KIFC3: variants seen among roughly 807,000 people sequenced by gnomAD.
KIFC3 encodes the protein kinesin-like protein KIFC3.
A neutral mutation model predicts 101.8 loss-of-function variants in KIFC3; 60 were observed. That is an observed-to-expected ratio of 0.59 (90% CI 0.48 to 0.73). The LOEUF is 0.73. Among genes scored for constraint, KIFC3 ranks in the 30% least tolerant of loss-of-function variants. The pLI, the probability that KIFC3 is intolerant of heterozygous loss-of-function variation, is 0.00. For missense variants in KIFC3, 966 were observed against 1,137.1 expected (o/e 0.85, Z 2.16); for synonymous variants, 476 against 482.7 (o/e 0.99, Z 0.18).
intron 2 of KIFC3, among the ~76,000 whole-genome samples, chr16:57,797,405 G>A (rs1202350123): frequency 2.0e-5 from 3 of 152,302 alleles, no homozygotes; most frequent in South Asian, 2.1e-4. Flanking sequence ...ATCCAGTCCC[G>A]GCCCTGAATC....
At chr16:57,785,730 C>A in intron 3 of KIFC3, 1 of 1,019,098 alleles carries the variant, frequency 9.8e-7, no homozygotes, top group Non-Finnish European at 1.3e-6. Flanking sequence ...AGGAGGGGGT[C>A]CATCACAGCA....
At chr16:57,820,031 C>A (rs369002845) in intron 1 of KIFC3, among the ~76,000 whole-genome samples, 36 of 151,668 alleles carry the variant, frequency 2.4e-4, no homozygotes, top group East Asian at 2.1e-3. Context: ...CCATGCCCGG[C>A]TAATTTTTTG....
chr16:57,773,140 C>G (rs2051504016), intron 3 of KIFC3, among the ~76,000 whole-genome samples: 1 of 152,234 alleles, frequency 6.6e-6, no homozygotes, highest in Non-Finnish European at 1.5e-5. Context: ...CAGCTTCCGT[C>G]AGGGCATGTT....
At chr16:57,814,425 G>C (rs549335959) in intron 1 of KIFC3, among the ~76,000 whole-genome samples, 7 of 152,244 alleles carry the variant, frequency 4.6e-5, no homozygotes, top group African/African-American at 1.7e-4. Flanking sequence ...GTGTGACTTA[G>C]GGTAAGTCTC....
rs200433698 is a variant in KIFC3, at chr16:57,771,713, G to T, written c.382-27C>A. The T allele has an allele frequency of 4.5e-4, 724 of 1,599,148 alleles. 4 individuals are homozygous for T. The African/African-American group carries it at 8.1e-3, about 18-fold the overall frequency. On this transcript the variant is annotated intron_variant, in intron 4 of 19. Coordinates refer to ENST00000445690, the MANE Select transcript of KIFC3 (RefSeq NM_001130100.2). Reference sequence around the variant, plus strand: ...TGCAGAGAGCCAGGGCCGAGGGGGCGCATGTGGCGAGGGCAGATGACGGGG... The same window carrying T: ...TGCAGAGAGCCAGGGCCGAGGGGGCTCATGTGGCGAGGGCAGATGACGGGG...
rs782262046 is a variant in KIFC3, at chr16:57,758,540, C to A, written c.*394G>T. On this transcript the variant is annotated 3_prime_UTR_variant, in exon 20 of 20. Coordinates refer to ENST00000445690, the MANE Select transcript of KIFC3 (RefSeq NM_001130100.2). ...CTGCCCAGAGGCTCCTCGCCCACCCCCTAAGGAGGGGGCTGGCCAGCTCTG... is the reference window on the plus strand; with the variant it reads ...CTGCCCAGAGGCTCCTCGCCCACCCACTAAGGAGGGGGCTGGCCAGCTCTG... 58 of 597,100 alleles carry A rather than the reference C, an allele frequency of 9.7e-5. No homozygotes were observed. Among genetic ancestry groups the A allele is most frequent in the Middle Eastern group, 8.0e-4 (3 of 3,754 alleles). The allele number at this position is 597,100 out of a possible 1,614,324, so 37.0% of individuals were successfully genotyped here.
At chr16:57,762,593 G>C (rs1484418716) in intron 12 of KIFC3, among the ~76,000 whole-genome samples, 1 of 152,290 alleles carries the variant, frequency 6.6e-6, no homozygotes, top group East Asian at 1.9e-4. Flanking sequence ...CCACCTGGGA[G>C]GGGCACTGGA....
intron 1 of KIFC3, among the ~76,000 whole-genome samples, chr16:57,844,460 G>A (rs1567337329): frequency 2.7e-5 from 4 of 148,508 alleles, no homozygotes; most frequent in Admixed American, 6.7e-5. Flanking sequence ...AAAAGGCAGC[G>A]TAAACCTATT....
chr16:57,821,593 T>C (rs2055350969), intron 1 of KIFC3, among the ~76,000 whole-genome samples: 1 of 152,184 alleles, frequency 6.6e-6, no homozygotes, highest in Non-Finnish European at 1.5e-5. Flanking sequence ...TGCTGAAGAC[T>C]AATTGCCCCC....
At chr16:57,782,775 C>G (rs1283818077) in intron 3 of KIFC3, among the ~76,000 whole-genome samples, 1 of 152,162 alleles carries the variant, frequency 6.6e-6, no homozygotes, top group African/African-American at 2.4e-5. Context: ...GAAACCCCGT[C>G]TCTACTGAAA....
intron 1 of KIFC3, among the ~76,000 whole-genome samples, chr16:57,809,048 T>C (rs1555627424): frequency 6.6e-6 from 1 of 152,184 alleles, no homozygotes; most frequent in African/African-American, 2.4e-5. Flanking sequence ...TCCCAGCTTC[T>C]TGGAAGGCAG....
chr16:57,822,585 T>C (rs1267108305), intron 1 of KIFC3, among the ~76,000 whole-genome samples: 1 of 151,940 alleles, frequency 6.6e-6, no homozygotes, highest in Non-Finnish European at 1.5e-5. Flanking sequence ...TAATCCCAGC[T>C]ACTCAGGAGG....
chr16:57,850,034 T>G (rs173512), intron 1 of KIFC3, among the ~76,000 whole-genome samples: 1 of 152,068 alleles, frequency 6.6e-6, no homozygotes, highest in East Asian at 1.9e-4. Flanking sequence ...TTTGAGGCTG[T>G]AGTGAGCTAT....
chr16:57,795,896 T>TG lies in KIFC3; in HGVS notation c.173-756_173-755insC, dbSNP rs561510299. Among the ~76,000 whole-genome samples the TG allele has an allele frequency of 5.5e-3, 683 of 124,234 alleles. 8 individuals are homozygous for TG. Among genetic ancestry groups the TG allele is most frequent in the South Asian group, 0.042 (152 of 3,636 alleles). 81.5% of individuals were successfully genotyped at this position (124,234 alleles called of 152,430 possible). ...TTTGGGCTTTTTTGTTTTTTTTTTT[T>TG]TTTTTTTTTTTTTTTGAGACAGGGC... is the stretch of plus-strand genomic sequence containing the variant. On this transcript the variant is annotated intron_variant, in intron 2 of 19. Coordinates refer to ENST00000445690, the MANE Select transcript of KIFC3 (RefSeq NM_001130100.2).
At position 57,794,883 on chromosome 16, in the gene KIFC3, G is replaced by A. The variant is rs181799430; in HGVS notation, c.315+116C>T. ...CATGAGGGGCCCAACAGAGAGGTGCGAGGTGGGTCCCCGGCTCTCCCCAGG... is the reference window on the plus strand; with the variant it reads ...CATGAGGGGCCCAACAGAGAGGTGCAAGGTGGGTCCCCGGCTCTCCCCAGG... On this transcript the variant is annotated intron_variant, in intron 3 of 19. Coordinates refer to ENST00000445690, the MANE Select transcript of KIFC3 (RefSeq NM_001130100.2). 6.1e-4 allele frequency: 566 copies of A among 922,810 alleles called. 2 individuals carry two copies. The African/African-American group carries it at 7.3e-3, about 12-fold the overall frequency. The allele number at this position is 922,810 out of a possible 1,614,324, so 57.2% of individuals were successfully genotyped here. A position where few individuals can be genotyped will look rare whatever the true frequency, so the allele number is the denominator to read the frequency against.
intron 1 of KIFC3, among the ~76,000 whole-genome samples, chr16:57,838,551 G>A (rs558774827): frequency 1.3e-5 from 2 of 152,280 alleles, no homozygotes; most frequent in East Asian, 3.9e-4. Context: ...GCCCCGAGTG[G>A]GAAACAGGAG....
intron 1 of KIFC3, chr16:57,813,708 C>A: frequency 1.0e-6 from 1 of 984,646 alleles, no homozygotes; most frequent in Non-Finnish European, 1.2e-6. Flanking sequence ...CCTCCCTGCA[C>A]CCGGGCACCA....
At chr16:57,862,670 T>C (rs1959367269) in intron 1 of KIFC3, 2 of 563,156 alleles carry the variant, frequency 3.6e-6, no homozygotes, top group South Asian at 1.7e-5. Context: ...CTTCTGAAAT[T>C]TCTCTCCAAC....
At position 57,798,545 on chromosome 16, in the gene KIFC3, T is replaced by C. The variant is rs144914535; in HGVS notation, c.-39-263A>G. On this transcript the variant is annotated intron_variant, in intron 1 of 19. Coordinates refer to ENST00000445690, the MANE Select transcript of KIFC3 (RefSeq NM_001130100.2). ...TCAGCTGTGCCTGAGACCCCACACC[T>C]GAGCCCTTCCCAGCTGAGCCTGGAG... 5.6e-6 allele frequency: 3 copies of C among 539,332 alleles called. No homozygotes were observed. In the South Asian group the frequency reaches 6.3e-5, roughly 11 times the overall value. 33.4% of individuals were successfully genotyped at this position (539,332 alleles called of 1,614,324 possible).
Sources: allele counts gnomAD v4.1 joint callset (sites outside exome capture counted in the v4.1 genomes callset), GRCh38; gene constraint gnomAD v4.1.1; transcripts MANE v1.5; gene names NCBI Gene and HGNC (gene_info 2026-07-23, HGNC 2026-07-21).